MSH3: variants seen among roughly 807,000 people sequenced by gnomAD.
The protein encoded by MSH3 is mutS homolog 3, also known as DNA mismatch repair protein Msh3.
A neutral mutation model predicts 123.3 loss-of-function variants in MSH3; 106 were observed. That is an observed-to-expected ratio of 0.86 (90% CI 0.73 to 1.01). MSH3 has a LOEUF of 1.01. Ranked by LOEUF, MSH3 falls within the 50% of genes least tolerant of loss-of-function variation. The pLI, the probability that MSH3 is intolerant of heterozygous loss-of-function variation, is 0.00. For missense variants in MSH3, 1,459 were observed against 1,347.6 expected (o/e 1.08, Z -1.29); for synonymous variants, 515 against 481.4 (o/e 1.07, Z -0.91).
intron 8 of MSH3, among the ~76,000 whole-genome samples, chr5:80,720,138 T>C (rs1242663879): frequency 6.6e-6 from 1 of 152,226 alleles, no homozygotes; most frequent in Non-Finnish European, 1.5e-5. Context: ...CTATTGTCTG[T>C]AGGGTAAAAC....
At chr5:80,728,473 GT>G (rs965292790) in intron 9 of MSH3, among the ~76,000 whole-genome samples, 5 of 151,450 alleles carry the variant, frequency 3.3e-5, no homozygotes, top group African/African-American at 2.4e-5. Context: ...GTGGTCTCTA[GT>G]TTTTTTTTAA....
intron 9 of MSH3, among the ~76,000 whole-genome samples, chr5:80,726,043 A>G (rs1743298299): frequency 6.6e-6 from 1 of 152,238 alleles, no homozygotes; most frequent in African/African-American, 2.4e-5. Context: ...GAAGACTAGC[A>G]TTTTGAAAGG....
chr5:80,691,048 T>A (rs1266591743), intron 8 of MSH3, among the ~76,000 whole-genome samples: 1 of 151,942 alleles, frequency 6.6e-6, no homozygotes, highest in African/African-American at 2.4e-5. Flanking sequence ...ATAGATTATT[T>A]TATATATACA....
chr5:80,836,543 CAAAAAAAAAAA>C (rs71603568), intron 20 of MSH3, among the ~76,000 whole-genome samples: 4 of 118,822 alleles, frequency 3.4e-5, no homozygotes, highest in South Asian at 5.3e-4. Context: ...GAATATGCCA[CAAAAAAAAAAA>C]AAAAAAAAAA....
At chr5:80,708,055 A>T (rs530827133) in intron 8 of MSH3, among the ~76,000 whole-genome samples, 2 of 152,134 alleles carry the variant, frequency 1.3e-5, no homozygotes, top group East Asian at 3.8e-4. Context: ...TTTGTCAGTT[A>T]TAGGTATTGT....
intron 21 of MSH3, among the ~76,000 whole-genome samples, chr5:80,857,254 G>T (rs1359585002): frequency 1.3e-5 from 2 of 152,026 alleles, no homozygotes; most frequent in Non-Finnish European, 2.9e-5. Context: ...GTCCTACTTG[G>T]TTATGGTCTG....
At position 80,813,679 on chromosome 5, in the gene MSH3, G is replaced by T. The variant is rs377380366; in HGVS notation, c.2751G>T (p.Gln917His). The T allele has an allele frequency of 1.2e-6, 2 of 1,614,194 alleles. No individual in the cohort carries two copies. Among genetic ancestry groups the T allele is most frequent in the Non-Finnish European group, 1.7e-6 (2 of 1,180,020 alleles). ...KQVALITIMA[Q>H]IGSYVPAEEA... Reference sequence around the variant, plus strand: ...TTGCATTGATTACCATCATGGCTCAGATTGGCTCCTATGTTCCTGCAGAAG... The same window carrying T: ...TTGCATTGATTACCATCATGGCTCATATTGGCTCCTATGTTCCTGCAGAAG... The change falls in exon 20 of 24, where the codon CAG becomes CAT. Residue 917 changes from glutamine (Q) to histidine (H), a missense_variant. Coordinates refer to ENST00000265081, the MANE Select transcript of MSH3 (RefSeq NM_002439.5).
At chr5:80,828,085 G>A (rs1745352705) in intron 20 of MSH3, among the ~76,000 whole-genome samples, 1 of 152,038 alleles carries the variant, frequency 6.6e-6, no homozygotes, top group Non-Finnish European at 1.5e-5. Flanking sequence ...AAAGTCCATA[G>A]TTTACATGAG....
chr5:80,762,825 G>GTTATTTTATT (rs59106049), intron 13 of MSH3, among the ~76,000 whole-genome samples: 3 of 140,510 alleles, frequency 2.1e-5, no homozygotes, highest in Admixed American at 1.4e-4. Context: ...GTTATGTTAT[G>GTTATTTTATT]TTATGTTATT....
rs6151776 is a variant in MSH3, at chr5:80,758,003, C to A, written c.1764-3543C>A. On this transcript the variant is annotated intron_variant, in intron 12 of 23. Coordinates refer to ENST00000265081, the MANE Select transcript of MSH3 (RefSeq NM_002439.5). ...ATTTGTGGTGAACAGTGTCACATAC[C>A]CTTTCACTCTCTCCCTGCCCATTTA... Among the ~76,000 whole-genome samples, 1,434 of 152,130 alleles carry A rather than the reference C, an allele frequency of 9.4e-3. 20 individuals carry two copies. The highest frequency in any genetic ancestry group is 0.032 in the African/African-American group (1,321 of 41,498).
In MSH3 at chr5:80,763,809, A is replaced by C. The variant is rs77374700; in HGVS notation, c.1896+2131A>C. ...TGTATTGCACAGGGTTTGTGTATTT[A>C]TAAAAGTTTCAAAACTCTAGTAAAG... On this transcript the variant is annotated intron_variant, in intron 13 of 23. Transcript: ENST00000265081. Among the ~76,000 whole-genome samples the C allele has an allele frequency of 9.0e-3, 1,372 of 152,366 alleles. 6 individuals carry two copies. The highest frequency in any genetic ancestry group is 0.048 in the Middle Eastern group (14 of 294).
At chr5:80,805,686 C>T (rs140676662) in intron 19 of MSH3, among the ~76,000 whole-genome samples, 2 of 147,558 alleles carry the variant, frequency 1.4e-5, no homozygotes, top group Non-Finnish European at 3.0e-5. Context: ...CCTCTGCCTC[C>T]AGGGTTCAGG....
In MSH3 at chr5:80,728,971, T is replaced by C. The variant is rs1226323208; in HGVS notation, c.1568+6T>C. ...AAGATGCTCTCCAAACCTGAGTAAG[T>C]GATTCCTCCAAAATTAAAAAAAGGG... On this transcript the variant is annotated splice_donor_region_variant and intron_variant, in intron 10 of 23. Coordinates refer to ENST00000265081, the MANE Select transcript of MSH3 (RefSeq NM_002439.5). 1 of 1,467,498 alleles carries C rather than the reference T, an allele frequency of 6.8e-7. No individual in the cohort carries two copies. Among genetic ancestry groups the C allele is most frequent in the South Asian group, 1.1e-5 (1 of 87,768 alleles). 90.9% of individuals were successfully genotyped at this position (1,467,498 alleles called of 1,614,324 possible).
chr5:80,686,428 G>C (rs756413001), intron 8 of MSH3, among the ~76,000 whole-genome samples: 2 of 151,138 alleles, frequency 1.3e-5, no homozygotes, highest in Non-Finnish European at 3.0e-5. Flanking sequence ...TCAGCCTCCC[G>C]AGTAGCTGGG....
chr5:80,874,347 G>A (rs1027979680), intron 23 of MSH3, among the ~76,000 whole-genome samples: 6 of 152,142 alleles, frequency 3.9e-5, no homozygotes, highest in Admixed American at 6.5e-5. Flanking sequence ...CAAGTCCAGA[G>A]TGCTGGACTC....
chr5:80,659,164 G>A (rs1749366535), intron 2 of MSH3, among the ~76,000 whole-genome samples: 1 of 151,902 alleles, frequency 6.6e-6, no homozygotes, highest in Admixed American at 6.6e-5. Flanking sequence ...AGTCTGGAAG[G>A]TGGAGGTTGT....
At chr5:80,758,441 T>A (rs1410768901) in intron 12 of MSH3, among the ~76,000 whole-genome samples, 1 of 152,200 alleles carries the variant, frequency 6.6e-6, no homozygotes, top group Admixed American at 6.5e-5. Context: ...TAGGGCTCAT[T>A]GCTCTTCTCA....
At chr5:80,872,543 C>G (rs906522301) in intron 22 of MSH3, among the ~76,000 whole-genome samples, 1 of 151,170 alleles carries the variant, frequency 6.6e-6, no homozygotes. Context: ...CAGTGGCTCA[C>G]GCCTGTAATC....
chr5:80,667,295 A>G (rs188185846), intron 3 of MSH3, among the ~76,000 whole-genome samples: 84 of 152,340 alleles, frequency 5.5e-4, no homozygotes, highest in Admixed American at 5.2e-3. Context: ...TGCATTTAAT[A>G]TAGAATACAT....
Sources: gnomAD v4.1 joint callset for allele counts (sites outside exome capture counted in the v4.1 genomes callset) on GRCh38, gnomAD v4.1.1 for gene constraint, MANE v1.5 for transcripts, NCBI Gene and HGNC (gene_info 2026-07-23, HGNC 2026-07-21) for gene names.